SLC4A4: variants seen among roughly 807,000 people sequenced by gnomAD.
SLC4A4 encodes the protein electrogenic sodium bicarbonate cotransporter 1.
Under a neutral mutation model 111.5 loss-of-function variants are expected in SLC4A4, and 27 were observed. The ratio of observed to expected loss-of-function variants is 0.24; its 90% confidence interval spans 0.18 to 0.33. SLC4A4 has a LOEUF of 0.33. Ranked by LOEUF, SLC4A4 falls within the 10% of genes least tolerant of loss-of-function variation. The pLI is 1.00. For synonymous variants in SLC4A4, 443 were observed against 463.4 expected, an observed-to-expected ratio of 0.96 and a Z score of 0.57; for missense variants, 909 against 1,315.5, an observed-to-expected ratio of 0.69 and a Z score of 4.78.
chr4:71,384,298 C>T (rs918612087), intron 6 of SLC4A4, among the ~76,000 whole-genome samples: 8 of 152,170 alleles, frequency 5.3e-5, no homozygotes, highest in Non-Finnish European at 8.8e-5. Flanking sequence ...CTCAGACTTA[C>T]AGCACTTTGG....
intron 15 of SLC4A4, among the ~76,000 whole-genome samples, chr4:71,495,926 C>T (rs1730362023): frequency 6.6e-6 from 1 of 152,084 alleles, no homozygotes; most frequent in Middle Eastern, 3.4e-3. Context: ...TAGATAGGTA[C>T]AATTTTGAAA....
chr4:71,086,443 T>C (rs188059061), intron 1 of SLC4A4, among the ~76,000 whole-genome samples: 1 of 152,032 alleles, frequency 6.6e-6, no homozygotes, highest in Non-Finnish European at 1.5e-5. Flanking sequence ...AACACTATGT[T>C]GAATAGGAGT....
In SLC4A4 at chr4:71,311,890, TGAGAGAGAGAGAGA is replaced by T. The variant is rs761331086; in HGVS notation, c.254-27449_254-27436del. On this transcript the variant is annotated intron_variant, in intron 3 of 25. Coordinates refer to ENST00000264485, the MANE Select transcript of SLC4A4 (RefSeq NM_001098484.3). ...GAGCCTGAGCAAATGTGCAAGGCTG[TGAGAGAGAGAGAGA>T]GAGAGAGAGAGAGAGAGAGAGAGAG... Among the ~76,000 whole-genome samples, 292 of 76,608 alleles carry T rather than the reference TGAGAGAGAGAGAGA, an allele frequency of 3.8e-3. 3 individuals carry two copies. Among genetic ancestry groups the T allele is most frequent in the Middle Eastern group, 8.6e-3 (1 of 116 alleles). 50.3% of individuals were successfully genotyped at this position (76,608 alleles called of 152,430 possible).
At chr4:71,286,041 G>A (rs747603736) in intron 3 of SLC4A4, among the ~76,000 whole-genome samples, 5 of 152,024 alleles carry the variant, frequency 3.3e-5, no homozygotes, top group African/African-American at 4.8e-5. Flanking sequence ...GATCGAGACC[G>A]TTCTGGCTAA....
chr4:71,530,324 C>T (rs1452962902), intron 16 of SLC4A4, among the ~76,000 whole-genome samples: 1 of 152,022 alleles, frequency 6.6e-6, no homozygotes, highest in Non-Finnish European at 1.5e-5. Flanking sequence ...CATGGCTTTT[C>T]TTACTTAATT....
At chr4:71,279,341 T>C (rs1309867912) in intron 3 of SLC4A4, among the ~76,000 whole-genome samples, 2 of 152,136 alleles carry the variant, frequency 1.3e-5, no homozygotes, top group African/African-American at 4.8e-5. Context: ...GATCAAGGAA[T>C]ATTTGTCTTT....
intron 3 of SLC4A4, chr4:71,300,238 G>T: frequency 5.0e-6 from 1 of 199,640 alleles, no homozygotes; most frequent in Non-Finnish European, 1.1e-5. Flanking sequence ...TCTGGAGTCA[G>T]GGTGAAGGAG....
intron 3 of SLC4A4, among the ~76,000 whole-genome samples, chr4:71,320,535 G>A (rs975961609): frequency 2.0e-5 from 3 of 151,954 alleles, no homozygotes; most frequent in Non-Finnish European, 4.4e-5. Context: ...CCCTTCTCAC[G>A]AAAGAGAGGT....
intron 15 of SLC4A4, 146 bp downstream of exon 15, chr4:71,487,164 G>GA (rs200234473): frequency 7.4e-3 from 3,106 of 420,200 alleles, no homozygotes; most frequent in Middle Eastern, 9.7e-3. Context: ...GGAGGGACGG[G>GA]AAAAAAAAAA....
intron 12 of SLC4A4, among the ~76,000 whole-genome samples, chr4:71,465,935 T>G (rs1230085609): frequency 6.6e-6 from 1 of 152,128 alleles, no homozygotes; most frequent in East Asian, 1.9e-4. Context: ...AATCACTTTT[T>G]TGGTCCCCTT....
chr4:71,177,475 T>C (rs1028648146), intron 2 of SLC4A4, among the ~76,000 whole-genome samples: 3 of 151,950 alleles, frequency 2.0e-5, no homozygotes, highest in Non-Finnish European at 4.4e-5. Context: ...AATAAAGGGA[T>C]GGAGGAAGAT....
chr4:71,451,556 A>T (rs191790595), intron 11 of SLC4A4, among the ~76,000 whole-genome samples: 1 of 152,346 alleles, frequency 6.6e-6, no homozygotes, highest in Admixed American at 6.5e-5. Context: ...TTTATGGGGA[A>T]AATTAAGGCA....
chr4:71,468,865 T>C (rs1047043929), intron 13 of SLC4A4, among the ~76,000 whole-genome samples: 1 of 152,026 alleles, frequency 6.6e-6, no homozygotes, highest in Admixed American at 6.6e-5. Context: ...AGAACTATTT[T>C]ACTTTGTCTT....
At chr4:71,473,515 A>G (rs952007250) in intron 14 of SLC4A4, among the ~76,000 whole-genome samples, 3 of 151,938 alleles carry the variant, frequency 2.0e-5, no homozygotes, top group Non-Finnish European at 4.4e-5. Flanking sequence ...TAGACAAATA[A>G]GAAAAGAAAG....
At chr4:71,424,445 G>T (rs992135951) in intron 7 of SLC4A4, among the ~76,000 whole-genome samples, 8 of 151,810 alleles carry the variant, frequency 5.3e-5, no homozygotes, top group African/African-American at 1.9e-4. Flanking sequence ...ATTCCTCAGG[G>T]ATCTAGAACT....
intron 13 of SLC4A4, among the ~76,000 whole-genome samples, chr4:71,471,959 T>C (rs1344075429): frequency 6.6e-6 from 1 of 151,914 alleles, no homozygotes; most frequent in Non-Finnish European, 1.5e-5. Flanking sequence ...GGCAGTAGCA[T>C]GGCAAGACAG....
At chr4:71,132,040 G>T (rs994817486) in intron 2 of SLC4A4, among the ~76,000 whole-genome samples, 3 of 151,976 alleles carry the variant, frequency 2.0e-5, no homozygotes, top group Non-Finnish European at 4.4e-5. Context: ...TGGTGATGAC[G>T]GCATATCTTT....
chr4:71,268,764 G>C (rs1240608348), intron 3 of SLC4A4, among the ~76,000 whole-genome samples: 1 of 152,160 alleles, frequency 6.6e-6, no homozygotes, highest in Non-Finnish European at 1.5e-5. Context: ...TTTGCTGCAA[G>C]TTGCAGTTTT....
intron 1 of SLC4A4, among the ~76,000 whole-genome samples, chr4:71,086,104 T>C (rs900064276): frequency 6.6e-6 from 1 of 151,666 alleles, no homozygotes; most frequent in African/African-American, 2.4e-5. Flanking sequence ...TAGTTCTCCT[T>C]GAAGAGGTCC....
Sources: allele counts gnomAD v4.1 joint callset (sites outside exome capture counted in the v4.1 genomes callset), GRCh38; gene constraint gnomAD v4.1.1; transcripts MANE v1.5; gene names NCBI Gene and HGNC (gene_info 2026-07-23, HGNC 2026-07-21).